The following ITPK1 variants were observed in gnomAD, a reference collection of about 807,000 sequenced individuals.
The protein encoded by ITPK1 is inositol 1,3,4-trisphosphate 5/6-kinase.
ITPK1 carries 21 observed loss-of-function variants against 45.3 expected under a neutral mutation model. That is an observed-to-expected ratio of 0.46 (90% confidence interval 0.33 to 0.67). The LOEUF (loss-of-function observed/expected upper bound fraction) is 0.67. ITPK1 is among the 30% of genes least tolerant of loss of function. ITPK1 has a pLI of 0.02. For synonymous variants in ITPK1, 258 were observed against 253.6 expected, an observed-to-expected ratio of 1.02 and a Z score of -0.16; for missense variants, 474 against 573.5, an observed-to-expected ratio of 0.83 and a Z score of 1.77.
intron 9 of ITPK1, among the ~76,000 whole-genome samples, chr14:92,948,870 G>C (rs537675573): frequency 2.0e-5 from 3 of 151,910 alleles, no homozygotes; most frequent in Non-Finnish European, 4.4e-5. Flanking sequence ...ACGCTCCGAG[G>C]GACCCACACC....
At position 93,014,694 on chromosome 14, in the gene ITPK1, C is replaced by G. The variant is rs1462696078; in HGVS notation, c.246+1982G>C. Reference sequence around the variant, plus strand: ...CCACACGACAGGTGAGGAGAGCAAGCTAGCGCAGGCTCAAATCCCACCTGG... The same window carrying G: ...CCACACGACAGGTGAGGAGAGCAAGGTAGCGCAGGCTCAAATCCCACCTGG... On this transcript the variant is annotated intron_variant, in intron 4 of 10. Coordinates refer to ENST00000267615, the MANE Select transcript of ITPK1 (RefSeq NM_014216.6). This position sits in a 1 kb window ranked among gnomAD's most constrained non-coding sequence, Gnocchi z 4.4. 6.6e-6 allele frequency among the ~76,000 whole-genome samples: 1 copy of G among 152,250 alleles called. No homozygotes were observed. Among genetic ancestry groups the G allele is most frequent in the Non-Finnish European group, 1.5e-5 (1 of 68,040 alleles).
At position 93,095,059 on chromosome 14, in the gene ITPK1, G is replaced by A. The variant is rs1892017778; in HGVS notation, c.96-18440C>T. Among the ~76,000 whole-genome samples, 4 of 152,188 alleles carry A rather than the reference G, an allele frequency of 2.6e-5. No individual in the cohort carries two copies. The South Asian group carries it at 8.3e-4, about 32-fold the overall frequency. On this transcript the variant is annotated intron_variant, in intron 2 of 10. Coordinates refer to ENST00000267615, the MANE Select transcript of ITPK1 (RefSeq NM_014216.6). ...TAGAGAAACTTGCTCTGTTCCTCGA[G>A]CAGAGTTCATCTAACACTTCACCTC... is the stretch of plus-strand genomic sequence containing the variant.
chr14:92,954,752 CTT>C (rs34051914), intron 8 of ITPK1, among the ~76,000 whole-genome samples: 20,841 of 152,162 alleles, frequency 0.14, 1,454 homozygotes, highest in East Asian at 0.24. Flanking sequence ...CTCTCTCTCT[CTT>C]GGGAGGCGAA....
intron 2 of ITPK1, among the ~76,000 whole-genome samples, chr14:93,105,698 T>TG (rs1376101191): frequency 3.9e-4 from 53 of 134,970 alleles, no homozygotes; most frequent in African/African-American, 1.6e-3. Flanking sequence ...CTAATTTTTG[T>TG]GGGGTTTTTT....
At chr14:93,101,743 G>A (rs1040237440) in intron 2 of ITPK1, among the ~76,000 whole-genome samples, 1 of 152,168 alleles carries the variant, frequency 6.6e-6, no homozygotes, top group Non-Finnish European at 1.5e-5. Context: ...CCAGCTACTC[G>A]GAAGGCTGAG....
At chr14:92,988,349 G>A (rs1878038176) in intron 5 of ITPK1, among the ~76,000 whole-genome samples, 1 of 152,338 alleles carries the variant, frequency 6.6e-6, no homozygotes, top group Admixed American at 6.5e-5. Flanking sequence ...GCACGTCCGA[G>A]GCACTGGCGA....
At position 92,946,343 on chromosome 14, in the gene ITPK1, T is replaced by C; in HGVS notation, c.889A>G (p.Asn297Asp). 1 of 1,613,282 alleles carries C rather than the reference T, an allele frequency of 6.2e-7. No individual in the cohort carries two copies. Among genetic ancestry groups the C allele is most frequent in the Non-Finnish European group, 8.5e-7 (1 of 1,179,974 alleles). Residue 297 changes from asparagine to aspartate, a missense_variant, in exon 10 of 11, where the codon AAT (asparagine) becomes GAT (aspartate). Around this residue, in one of 2 missense-constraint regions of ITPK1, gnomAD observed 367 missense variants for 480.6 expected, o/e 0.76. Coordinates refer to ENST00000267615, the MANE Select transcript of ITPK1 (RefSeq NM_014216.6). The stretch of plus-strand genomic sequence containing the variant: ...GGCCGCCACTCACCTGGGAAGGCAT[T>C]GATGTCAATGACGGCGTGCTGCCCT... ...QTGQHAVIDI[N>D]AFPGYEGVSE...
chr14:92,939,853 C>T lies in ITPK1; in HGVS notation c.*1708G>A, dbSNP rs1303928159. The stretch of plus-strand genomic sequence containing the variant: ...CAAACTTGAGCAACATGTGTAAACA[C>T]GTGTGAAATGCGGTTTGATTTCAGT... On this transcript the variant is annotated 3_prime_UTR_variant, in exon 11 of 11. Coordinates refer to ENST00000267615, the MANE Select transcript of ITPK1 (RefSeq NM_014216.6). 20 of 985,810 alleles carry T rather than the reference C, an allele frequency of 2.0e-5. No homozygotes were observed. The highest frequency in any genetic ancestry group is 3.5e-5 in the African/African-American group (2 of 57,344). The allele number at this position is 985,810 out of a possible 1,614,324, so 61.1% of individuals were successfully genotyped here.
At chr14:92,944,070 G>T (rs112118992) in intron 10 of ITPK1, among the ~76,000 whole-genome samples, 1 of 152,132 alleles carries the variant, frequency 6.6e-6, no homozygotes, top group Non-Finnish European at 1.5e-5. Flanking sequence ...GAAGTGAGGC[G>T]TCGGGGCAGG....
intron 5 of ITPK1, among the ~76,000 whole-genome samples, chr14:92,985,935 G>C (rs905748783): frequency 6.6e-6 from 1 of 152,200 alleles, no homozygotes; most frequent in Non-Finnish European, 1.5e-5. Context: ...GCTCAATGCA[G>C]TTAAATAACC....
rs1165152607 is a variant in ITPK1 at position 93,115,083 on chromosome 14, G to A, written c.81C>T (p.Phe27=). Residue 27 remains phenylalanine, a synonymous_variant, in exon 2 of 11, where the codon TTC becomes TTT. Transcript: ENST00000267615. ...KKIKKLNFQA[F]AELCRKRGME... The stretch of plus-strand genomic sequence containing the variant: ...TCCCTCCTTACCTGCACAGCTCGGC[G>A]AAGGCCTGGAAATTCAGCTTCTTGA... 2 of 1,599,340 alleles carry A rather than the reference G, an allele frequency of 1.3e-6. No individual in the cohort carries two copies.
chr14:93,083,944 T>A lies in ITPK1; in HGVS notation c.96-7325A>T, dbSNP rs139952498. The stretch of plus-strand genomic sequence containing the variant: ...ACCCCACCAGGCTAATGCTCGGTGG[T>A]GAACATCAATGGTGGCCATCAAAGC... On this transcript the variant is annotated intron_variant, in intron 2 of 10. Coordinates refer to ENST00000267615, the MANE Select transcript of ITPK1 (RefSeq NM_014216.6). Among the ~76,000 whole-genome samples the A allele has an allele frequency of 1.7e-3, 266 of 152,208 alleles. 1 individual carries two copies. Among genetic ancestry groups the A allele is most frequent in the African/African-American group, 6.3e-3 (261 of 41,530 alleles).
intron 3 of ITPK1, among the ~76,000 whole-genome samples, chr14:93,044,154 C>T (rs1464668560): frequency 1.3e-5 from 2 of 152,114 alleles, no homozygotes; most frequent in Non-Finnish European, 2.9e-5. Context: ...CAAACTGAAG[C>T]GCCCATGGGG....
intron 2 of ITPK1, among the ~76,000 whole-genome samples, chr14:93,085,243 G>C (rs1891600774): frequency 6.6e-6 from 1 of 152,270 alleles, no homozygotes. Context: ...GAATTGTCTG[G>C]ACAGCTCTAG....
chr14:92,960,095 C>T (rs530068363), intron 7 of ITPK1, among the ~76,000 whole-genome samples: 20 of 152,346 alleles, frequency 1.3e-4, no homozygotes, highest in Admixed American at 5.2e-4. Flanking sequence ...TAACATGCCC[C>T]GTCTGCACAG....
intron 5 of ITPK1, among the ~76,000 whole-genome samples, chr14:92,967,421 T>C (rs958405110): frequency 6.6e-6 from 1 of 152,198 alleles, no homozygotes; most frequent in Non-Finnish European, 1.5e-5. Context: ...TAACAAGTGT[T>C]GCTGAGGGTA....
In ITPK1 at chr14:93,076,489, A is replaced by G; in HGVS notation, c.120+106T>C. ...AGCTAAAAACAAGCTGCACGTGAAG[A>G]AGAGAGAAAGCCGTGCCCAATGCTG... On this transcript the variant is annotated intron_variant, in intron 3 of 10. Coordinates refer to ENST00000267615, the MANE Select transcript of ITPK1 (RefSeq NM_014216.6). The surrounding 1 kb of genome is among the most constrained non-coding windows in gnomAD (Gnocchi z 4.3). The G allele has an allele frequency of 7.7e-7, 1 of 1,295,872 alleles. No individual in the cohort carries two copies. The highest frequency in any genetic ancestry group is 1.1e-6 in the Non-Finnish European group (1 of 901,624). 80.3% of individuals were successfully genotyped at this position (1,295,872 alleles called of 1,614,324 possible). A position where few individuals can be genotyped will look rare whatever the true frequency, so the allele number is the denominator to read the frequency against.
chr14:92,995,079 G>T (rs566229366), intron 4 of ITPK1, among the ~76,000 whole-genome samples: 1 of 152,300 alleles, frequency 6.6e-6, no homozygotes, highest in East Asian at 1.9e-4. Flanking sequence ...ACTGGGAGCC[G>T]GGAGAGGGGC....
chr14:93,009,465 C>T (rs1182836173), intron 4 of ITPK1, among the ~76,000 whole-genome samples: 1 of 152,206 alleles, frequency 6.6e-6, no homozygotes, highest in African/African-American at 2.4e-5. Context: ...AAGAGGGCCA[C>T]ATGTCTTCCT....
Sources: gnomAD v4.1 joint callset for allele counts (sites outside exome capture counted in the v4.1 genomes callset) on GRCh38, gnomAD v4.1.1 for gene constraint, gnomAD v4.1.1 regional missense constraint, Gnocchi (gnomAD v3.1) non-coding constraint, MANE v1.5 for transcripts, NCBI Gene and HGNC (gene_info 2026-07-23, HGNC 2026-07-21) for gene names.